The following SPHK2 variants were observed in gnomAD, a reference collection of about 807,000 sequenced individuals.
SPHK2 encodes sphingosine kinase 2.
A neutral mutation model predicts 32.3 loss-of-function variants in SPHK2; 18 were observed. That is an observed-to-expected ratio of 0.56 (90% CI 0.39 to 0.83). SPHK2 has a LOEUF of 0.83. Ranked by LOEUF, SPHK2 falls within the 40% of genes least tolerant of loss-of-function variation. The probability of loss-of-function intolerance (pLI) is 0.00; values close to 1 mark genes in which losing one functional copy is unlikely to be tolerated. For missense variants in SPHK2, 850 were observed against 908.7 expected (o/e 0.94, Z 0.83); for synonymous variants, 462 against 417.6 (o/e 1.11, Z -1.30).
chr19:48,625,247 G>A (rs560990793), intron 2 of SPHK2: 2 of 1,066,798 alleles, frequency 1.9e-6, no homozygotes, highest in Admixed American at 1.0e-4. Context: ...TTCTCGTTGG[G>A]GTGAAAAAGT....
At chr19:48,625,129 G>T in intron 2 of SPHK2, 1 of 996,402 alleles carries the variant, frequency 1.0e-6, no homozygotes, top group Non-Finnish European at 1.2e-6. Flanking sequence ...GCGCTCGCAT[G>T]TGGCTCCTCT....
At position 48,622,237 on chromosome 19, in the gene SPHK2, C is replaced by A. The variant is rs373745164; in HGVS notation, c.39+1684C>A. Among the ~76,000 whole-genome samples, 175 of 140,334 alleles carry A rather than the reference C, an allele frequency of 1.2e-3. 7 individuals are homozygous for A. In the South Asian group the frequency reaches 0.035, roughly 28 times the overall value. The allele number at this position is 140,334 out of a possible 152,430, so 92.1% of individuals were successfully genotyped here. On this transcript the variant is annotated intron_variant, in intron 2 of 6. Coordinates refer to ENST00000245222, the MANE Select transcript of SPHK2 (RefSeq NM_020126.5). ...TCGCGCCACTGCACTCCAGCCTGGG[C>A]GACAGAGCGAAACTCCGTCTCAAAA... is the stretch of plus-strand genomic sequence containing the variant.
rs1252952566 is a variant in SPHK2 at position 48,626,368 on chromosome 19, G to A, written c.511+6G>A. The A allele has an allele frequency of 6.4e-7, 1 of 1,566,788 alleles. No individual in the cohort carries two copies. ...GCCACTGCCCGGGGATGGGGGTGAG[G>A]TGCTGGGCAGCTGCTCTATCCTGGA... On this transcript the variant is annotated splice_donor_region_variant and intron_variant, in intron 3 of 6. Coordinates refer to ENST00000245222, the MANE Select transcript of SPHK2 (RefSeq NM_020126.5).
chr19:48,629,959 G>A lies in SPHK2; in HGVS notation c.*186G>A. ...AGGTGGGCGTCGTCACGGTTAAAGA[G>A]AAATGGGCTCGTCCCGAGGGTAGTG... On this transcript the variant is annotated 3_prime_UTR_variant, in exon 7 of 7. Coordinates refer to ENST00000245222, the MANE Select transcript of SPHK2 (RefSeq NM_020126.5). The A allele has an allele frequency of 1.4e-6, 2 of 1,413,906 alleles. No homozygotes were observed. Among genetic ancestry groups the A allele is most frequent in the Middle Eastern group, 2.6e-4 (1 of 3,826 alleles). 87.6% of individuals were successfully genotyped at this position (1,413,906 alleles called of 1,614,324 possible). A position where few individuals can be genotyped will look rare whatever the true frequency, so the allele number is the denominator to read the frequency against.
In SPHK2 at chr19:48,630,361, A is replaced by G; in HGVS notation, c.*588A>G. On this transcript the variant is annotated 3_prime_UTR_variant, in exon 7 of 7. Coordinates refer to ENST00000245222, the MANE Select transcript of SPHK2 (RefSeq NM_020126.5). This position sits in a 1 kb window ranked among gnomAD's most constrained non-coding sequence, Gnocchi z 4.9. ...TCCTCCGTCCCCAATCTAAAAAGCA[A>G]TTGAAAAGGTCTATGCAATAAAGGC... 2.3e-6 allele frequency: 3 copies of G among 1,312,810 alleles called. No individual in the cohort carries two copies. The highest frequency in any genetic ancestry group is 2.9e-6 in the Non-Finnish European group (3 of 1,031,184). The allele number at this position is 1,312,810 out of a possible 1,614,324, so 81.3% of individuals were successfully genotyped here.
At chr19:48,621,319 T>TA (rs1300494724) in intron 2 of SPHK2, among the ~76,000 whole-genome samples, 2 of 152,232 alleles carry the variant, frequency 1.3e-5, no homozygotes, top group African/African-American at 4.8e-5. Context: ...CCTCAGGTGA[T>TA]ACGCCGGCCT....
chr19:48,627,296 C>T (rs1416211023), intron 3 of SPHK2, among the ~76,000 whole-genome samples: 1 of 152,220 alleles, frequency 6.6e-6, no homozygotes, highest in Non-Finnish European at 1.5e-5. Flanking sequence ...TGAGACAGGA[C>T]CAGGTACCAC....
chr19:48,628,850 G>A lies in SPHK2; in HGVS notation c.1042G>A (p.Glu348Lys), dbSNP rs1412468552. The A allele has an allele frequency of 2.5e-6, 4 of 1,613,794 alleles. No homozygotes were observed. The highest frequency in any genetic ancestry group is 2.2e-5 in the East Asian group (1 of 44,890). Residue 348 changes from glutamate (E) to lysine (K), a missense_variant, in exon 7 of 7, where the codon GAG (glutamate) becomes AAG (lysine). Coordinates refer to ENST00000245222, the MANE Select transcript of SPHK2 (RefSeq NM_020126.5). The surrounding 1 kb of genome is among the most constrained non-coding windows in gnomAD (Gnocchi z 5.2). The stretch of plus-strand genomic sequence containing the variant: ...CGTGTCAGATGTGGATATCCAGAGC[G>A]AGCGCTTCAGGGCCTTGGGCAGTGC... ...GFVSDVDIQS[E>K]RFRALGSARF...
In SPHK2 at chr19:48,626,223, G is replaced by C; in HGVS notation, c.372G>C (p.Arg124=). The change falls in exon 3 of 7, where the codon CGG becomes CGC. Residue 124 remains arginine (R), a synonymous_variant. Transcript: ENST00000245222. ...GCATCTACACCTACCCTCGGGGCCGGCGCGGGGCCCGGCGCAGAGCCACTC... is the reference window on the plus strand; with the variant it reads ...GCATCTACACCTACCCTCGGGGCCGCCGCGGGGCCCGGCGCAGAGCCACTC... ...YFCIYTYPRG[R]RGARRRATRT... The C allele has an allele frequency of 6.3e-7, 1 of 1,595,770 alleles. No individual in the cohort carries two copies.
In SPHK2 at chr19:48,626,032, C is replaced by T. The variant is rs758872660; in HGVS notation, c.181C>T (p.Arg61Ter). 6 of 1,613,486 alleles carry T rather than the reference C, an allele frequency of 3.7e-6. No individual in the cohort carries two copies. Among genetic ancestry groups the T allele is most frequent in the East Asian group, 2.2e-5 (1 of 44,880 alleles). Residue 61 changes from arginine (R) to a stop codon, truncating the protein, a stop_gained, in exon 3 of 7, where the codon CGA becomes TGA. Transcript: ENST00000245222. LOFTEE classifies it high-confidence loss of function. Reference sequence around the variant, plus strand: ...TGGCGAGTTTGGCTCCTACCCAGCCCGAGGCCCACGCTTTGCCCTCACCCT... The same window carrying T: ...TGGCGAGTTTGGCTCCTACCCAGCCTGAGGCCCACGCTTTGCCCTCACCCT... ...LHGEFGSYPA[R>*]GPRFALTLTS...
chr19:48,630,393 T>A lies in SPHK2; in HGVS notation c.*620T>A. 2.9e-6 allele frequency: 4 copies of A among 1,386,286 alleles called. No individual in the cohort carries two copies. Among genetic ancestry groups the A allele is most frequent in the Non-Finnish European group, 3.7e-6 (4 of 1,071,786 alleles). The allele number at this position is 1,386,286 out of a possible 1,614,324, so 85.9% of individuals were successfully genotyped here. The stretch of plus-strand genomic sequence containing the variant: ...AGGTCTATGCAATAAAGGCAGTCGC[T>A]TCATTCCTCTCAGACCTTCTGCCCT... On this transcript the variant is annotated 3_prime_UTR_variant, in exon 7 of 7. Transcript: ENST00000245222. The surrounding 1 kb of genome is among the most constrained non-coding windows in gnomAD (Gnocchi z 4.9).
chr19:48,629,662 G>A lies in SPHK2; in HGVS notation c.1854G>A (p.Val618=), dbSNP rs753886314. The A allele has an allele frequency of 1.2e-6, 2 of 1,606,156 alleles. No homozygotes were observed. Among genetic ancestry groups the A allele is most frequent in the East Asian group, 2.2e-5 (1 of 44,528 alleles). ...FRLEPLTPRG[V]LTVDGEQVEY... Reference sequence around the variant, plus strand: ...TAGAGCCGCTCACACCACGCGGCGTGCTCACAGTGGACGGGGAGCAGGTGG... The same window carrying A: ...TAGAGCCGCTCACACCACGCGGCGTACTCACAGTGGACGGGGAGCAGGTGG... Residue 618 remains valine, a synonymous_variant, in exon 7 of 7, where the codon GTG becomes GTA. Coordinates refer to ENST00000245222, the MANE Select transcript of SPHK2 (RefSeq NM_020126.5).
rs780609863 is a variant in SPHK2, at chr19:48,626,042, G to A, written c.191G>A (p.Arg64His). Residue 64 changes from arginine (R) to histidine (H), a missense_variant, in exon 3 of 7, where the codon CGC becomes CAC. By Grantham distance (29) the Arg-to-His change is conservative. Around this residue, in one of 2 missense-constraint regions of SPHK2, gnomAD observed 544 missense variants for 640.0 expected, o/e 0.85. Coordinates refer to ENST00000245222, the MANE Select transcript of SPHK2 (RefSeq NM_020126.5). ...EFGSYPARGP[R>H]FALTLTSQAL... ...GGCTCCTACCCAGCCCGAGGCCCAC[G>A]CTTTGCCCTCACCCTTACATCGCAG... 7.4e-6 allele frequency: 12 copies of A among 1,613,306 alleles called. No individual in the cohort carries two copies. Among genetic ancestry groups the A allele is most frequent in the East Asian group, 4.5e-5 (2 of 44,890 alleles).
Position 48,628,671 on chromosome 19 carries a change from G to T in SPHK2, c.873-10G>T. The T allele has an allele frequency of 6.2e-7, 1 of 1,607,738 alleles. No homozygotes were observed. ...TCCTTCTGTGTGTCCGTCCATCTCC[G>T]GCTGTGAAGATTTGAGCCAGCCCTG... On this transcript the variant is annotated splice_polypyrimidine_tract_variant and intron_variant, in intron 6 of 6. Transcript: ENST00000245222. The surrounding 1 kb of genome is among the most constrained non-coding windows in gnomAD (Gnocchi z 5.2).
rs2030412667 is a variant in SPHK2, at chr19:48,629,735, C to G, written c.1927C>G (p.Leu643Val). The change falls in exon 7 of 7, where the codon CTC becomes GTC. Residue 643 changes from leucine (L) to valine (V), a missense_variant. Around this residue, in one of 2 missense-constraint regions of SPHK2, gnomAD observed 306 missense variants for 268.6 expected, o/e 1.14. Coordinates refer to ENST00000245222, the MANE Select transcript of SPHK2 (RefSeq NM_020126.5). Reference protein sequence around the residue: ...AQMHPGIGTLLTGPPGCPGRE... With the variant: ...AQMHPGIGTLVTGPPGCPGRE... ...GATGCACCCTGGCATCGGTACACTG[C>G]TCACTGGGCCTCCTGGCTGCCCGGG... 6.3e-7 allele frequency: 1 copy of G among 1,592,714 alleles called. No homozygotes were observed. Among genetic ancestry groups the G allele is most frequent in the Non-Finnish European group, 8.6e-7 (1 of 1,167,268 alleles).
chr19:48,629,295 C>T lies in SPHK2; in HGVS notation c.1487C>T (p.Ser496Phe), dbSNP rs3745732. The T allele has an allele frequency of 2.5e-6, 4 of 1,613,436 alleles. No individual in the cohort carries two copies. Among genetic ancestry groups the T allele is most frequent in the East Asian group, 4.5e-5 (2 of 44,894 alleles). Residue 496 changes from serine (S) to phenylalanine (F), a missense_variant, in exon 7 of 7, where the codon TCC becomes TTC. Coordinates refer to ENST00000245222, the MANE Select transcript of SPHK2 (RefSeq NM_020126.5). ...VSEGAPVIPP[S>F]SGLPLPTPDA... ...GAAGGGGCCCCCGTAATTCCCCCATCCTCTGGGCTCCCACTTCCCACCCCT... is the reference window on the plus strand; with the variant it reads ...GAAGGGGCCCCCGTAATTCCCCCATTCTCTGGGCTCCCACTTCCCACCCCT...
In SPHK2 at chr19:48,628,582, C is replaced by T; in HGVS notation, c.873-99C>T. On this transcript the variant is annotated intron_variant, in intron 6 of 6. Coordinates refer to ENST00000245222, the MANE Select transcript of SPHK2 (RefSeq NM_020126.5). This position sits in a 1 kb window ranked among gnomAD's most constrained non-coding sequence, Gnocchi z 5.2. The stretch of plus-strand genomic sequence containing the variant: ...CGGCTGTGGTGGGCCTGGGCCATGG[C>T]CTTCGTGGTCTCATTGCCAGCTGCT... 1.4e-6 allele frequency: 2 copies of T among 1,458,204 alleles called. No homozygotes were observed. Among genetic ancestry groups the T allele is most frequent in the Non-Finnish European group, 1.9e-6 (2 of 1,058,466 alleles). The allele number at this position is 1,458,204 out of a possible 1,614,324, so 90.3% of individuals were successfully genotyped here.
intron 1 of SPHK2, 149 bp downstream of exon 1, chr19:48,619,692 C>G (rs189546650): frequency 5.9e-6 from 1 of 170,100 alleles, no homozygotes; most frequent in Non-Finnish European, 1.3e-5. Context: ...TACTTAAGGT[C>G]TAACCCGAGA....
In SPHK2 at chr19:48,629,947, C is replaced by T; in HGVS notation, c.*174C>T. The T allele has an allele frequency of 1.4e-6, 2 of 1,417,026 alleles. No homozygotes were observed. The highest frequency in any genetic ancestry group is 9.2e-7 in the Non-Finnish European group (1 of 1,089,486). 87.8% of individuals were successfully genotyped at this position (1,417,026 alleles called of 1,614,324 possible). ...CGTGATGCTGGAAGGTGGGCGTCGT[C>T]ACGGTTAAAGAGAAATGGGCTCGTC... On this transcript the variant is annotated 3_prime_UTR_variant, in exon 7 of 7. Transcript: ENST00000245222.
Sources: gnomAD v4.1 joint callset for allele counts (sites outside exome capture counted in the v4.1 genomes callset) on GRCh38, gnomAD v4.1.1 for gene constraint, gnomAD v4.1.1 regional missense constraint, Gnocchi (gnomAD v3.1) non-coding constraint, MANE v1.5 for transcripts, NCBI Gene and HGNC (gene_info 2026-07-23, HGNC 2026-07-21) for gene names.